Variants in STARD13 observed in about 807,000 individuals in gnomAD.
The protein encoded by STARD13 is stAR-related lipid transfer protein 13.
Under a neutral mutation model 106.4 loss-of-function variants are expected in STARD13, and 62 were observed. The ratio of observed to expected loss-of-function variants is 0.58; its 90% CI spans 0.48 to 0.72. STARD13 has a LOEUF of 0.72. Among genes scored for constraint, STARD13 ranks in the 30% least tolerant of loss-of-function variants. STARD13 has a pLI of 0.00. For synonymous variants in STARD13, 565 were observed against 553.0 expected (o/e 1.02, Z -0.31); for missense variants, 1,387 against 1,424.0 (o/e 0.97, Z 0.42).
At position 33,319,493 on chromosome 13, in the gene STARD13, C is replaced by T. The variant is rs114900988; in HGVS notation, c.124+30797G>A. The stretch of plus-strand genomic sequence containing the variant: ...CACAAATTTGTGAATATACTAAAAA[C>T]TACTGAAGTGTGCATTTTATAAGGG... On this transcript the variant is annotated intron_variant, in intron 1 of 5. Coordinates refer to the STARD13 transcript ENST00000567873. Among the ~76,000 whole-genome samples, 747 of 152,288 alleles carry T rather than the reference C, an allele frequency of 4.9e-3. 7 individuals are homozygous for T. The highest frequency in any genetic ancestry group is 0.017 in the African/African-American group (701 of 41,570).
the STARD13 span, among the ~76,000 whole-genome samples, chr13:33,675,769 C>T: frequency 1.8e-4 from 27 of 152,178 alleles, no homozygotes; most frequent in African/African-American, 6.0e-4. Context: ...TTATCATCTA[C>T]GTCTTCTCTT....
intron 11 of STARD13, 115 bp downstream of exon 11, chr13:33,110,571 G>A: frequency 1.2e-6 from 1 of 837,436 alleles, no homozygotes; most frequent in Non-Finnish European, 2.0e-6. Context: ...TGCCTTAACT[G>A]TCCGCGTGTG....
the STARD13 span, among the ~76,000 whole-genome samples, chr13:33,673,797 A>G: frequency 1.1e-4 from 17 of 151,862 alleles, no homozygotes; most frequent in Non-Finnish European, 2.2e-4. Context: ...TTGGCCTCCC[A>G]AAGTCCTGGA....
the STARD13 span, among the ~76,000 whole-genome samples, chr13:33,432,833 T>A: frequency 6.6e-6 from 1 of 152,166 alleles, no homozygotes; most frequent in African/African-American, 2.4e-5. Context: ...AAAATAAACA[T>A]TAACTAATCT....
the STARD13 span, among the ~76,000 whole-genome samples, chr13:33,381,626 G>A: frequency 6.6e-6 from 1 of 152,100 alleles, no homozygotes; most frequent in Non-Finnish European, 1.5e-5. Context: ...TGTAATCTCA[G>A]CTACCCAGGA....
At chr13:33,534,658 A>G in the STARD13 span, among the ~76,000 whole-genome samples, 2 of 152,188 alleles carry the variant, frequency 1.3e-5, no homozygotes, top group African/African-American at 4.8e-5. Context: ...CACTATTAAA[A>G]TGATTATAGA....
chr13:33,210,947 G>GGATACCAA (rs1887682652), intron 1 of STARD13, among the ~76,000 whole-genome samples: 1 of 151,988 alleles, frequency 6.6e-6, no homozygotes, highest in African/African-American at 2.4e-5. Flanking sequence ...TTTAGATCTT[G>GGATACCAA]GATACCAAGA....
chr13:33,142,280 C>T, intron 4 of STARD13, 30 bp downstream of exon 4: 1 of 1,581,786 alleles, frequency 6.3e-7, no homozygotes, highest in South Asian at 1.1e-5. Context: ...ACTGGCATAG[C>T]CACATTCTTA....
At position 33,183,684 on chromosome 13, in the gene STARD13, G is replaced by T. The variant is rs528779062; in HGVS notation, c.170-16062C>A. 7.8e-4 allele frequency among the ~76,000 whole-genome samples: 105 copies of T among 134,566 alleles called. 2 individuals carry two copies. In the South Asian group the frequency reaches 0.026, roughly 34 times the overall value. The allele number at this position is 134,566 out of a possible 152,430, so 88.3% of individuals were successfully genotyped here. A position where few individuals can be genotyped will look rare whatever the true frequency, so the allele number is the denominator to read the frequency against. On this transcript the variant is annotated intron_variant, in intron 1 of 13. Coordinates refer to ENST00000336934, the MANE Select transcript of STARD13 (RefSeq NM_178006.4). ...GTGCTGGGAAGTCAGATTTGGTGAGGGGAGTCATCTCCAATCTGGAGGAAC... is the reference window on the plus strand; with the variant it reads ...GTGCTGGGAAGTCAGATTTGGTGAGTGGAGTCATCTCCAATCTGGAGGAAC...
the STARD13 span, among the ~76,000 whole-genome samples, chr13:33,496,230 T>C: frequency 6.8e-6 from 1 of 147,240 alleles, no homozygotes; most frequent in Non-Finnish European, 1.5e-5. Flanking sequence ...ATATAATTTA[T>C]AGTATAAATT....
chr13:33,152,766 C>T (rs1271599227), intron 3 of STARD13, among the ~76,000 whole-genome samples: 1 of 152,232 alleles, frequency 6.6e-6, no homozygotes, highest in Non-Finnish European at 1.5e-5. Context: ...TGGGCCTCTG[C>T]TGTCTCCCTT....
chr13:33,109,460 C>G (rs1287435551), intron 12 of STARD13, among the ~76,000 whole-genome samples: 1 of 152,162 alleles, frequency 6.6e-6, no homozygotes, highest in Non-Finnish European at 1.5e-5. Context: ...GAAGTCAAAC[C>G]TACTCCAGTC....
At chr13:33,156,808 A>G (rs1220074901) in intron 3 of STARD13, among the ~76,000 whole-genome samples, 1 of 152,210 alleles carries the variant, frequency 6.6e-6, no homozygotes, top group African/African-American at 2.4e-5. Flanking sequence ...GCACTTTGTA[A>G]GTGTTTTAAA....
chr13:33,578,563 G>GA, the STARD13 span, among the ~76,000 whole-genome samples: 1 of 151,958 alleles, frequency 6.6e-6, no homozygotes, highest in African/African-American at 2.4e-5. Flanking sequence ...AGAAAACCTA[G>GA]AAAAAACTCC....
the STARD13 span, among the ~76,000 whole-genome samples, chr13:33,570,844 G>A: frequency 1.3e-5 from 2 of 152,130 alleles, no homozygotes; most frequent in South Asian, 2.1e-4. Flanking sequence ...TTTAGTCAAG[G>A]TTAGAAACAA....
chr13:33,661,089 G>A, the STARD13 span, among the ~76,000 whole-genome samples: 5 of 152,184 alleles, frequency 3.3e-5, no homozygotes, highest in Admixed American at 1.3e-4. Context: ...AGGGTGGCTT[G>A]TATTATATCT....
chr13:33,486,566 T>C, the STARD13 span, among the ~76,000 whole-genome samples: 1 of 152,210 alleles, frequency 6.6e-6, no homozygotes, highest in Non-Finnish European at 1.5e-5. Flanking sequence ...ATTCAAACTC[T>C]GGAGAGTGAA....
chr13:33,300,151 A>T (rs567551064), intron 1 of STARD13, among the ~76,000 whole-genome samples: 1 of 152,278 alleles, frequency 6.6e-6, no homozygotes, highest in South Asian at 2.1e-4. Flanking sequence ...AAATTAGTTC[A>T]TTTTTCTGCA....
At chr13:33,166,211 G>A (rs1015210641) in intron 2 of STARD13, among the ~76,000 whole-genome samples, 1 of 152,130 alleles carries the variant, frequency 6.6e-6, no homozygotes, top group African/African-American at 2.4e-5. Flanking sequence ...GTTGGAAACA[G>A]ACATAATTCC....
Sources: gnomAD v4.1 joint callset for allele counts (sites outside exome capture counted in the v4.1 genomes callset) on GRCh38, gnomAD v4.1.1 for gene constraint, MANE v1.5 for transcripts, NCBI Gene and HGNC (gene_info 2026-07-23, HGNC 2026-07-21) for gene names.